The following EML1 variants were observed in gnomAD, a reference collection of about 807,000 sequenced individuals.
EML1 encodes the protein echinoderm microtubule-associated protein-like 1.
Under a neutral mutation model 110.4 loss-of-function variants are expected in EML1, and 27 were observed. The observed-to-expected ratio is 0.24, with a 90% CI of 0.18 to 0.34. The LOEUF (loss-of-function observed/expected upper bound fraction) is 0.34, where lower values mean the gene tolerates loss of function less well. EML1 is among the 10% of genes least tolerant of loss of function. The pLI, the probability that EML1 is intolerant of heterozygous loss-of-function variation, is 1.00. For synonymous variants in EML1, 344 were observed against 385.8 expected, an observed-to-expected ratio of 0.89 and a Z score of 1.27; for missense variants, 741 against 1,030.9, an observed-to-expected ratio of 0.72 and a Z score of 3.85.
At chr14:99,914,333 A>G in intron 14 of EML1, 29 bp downstream of exon 14, 1 of 1,596,656 alleles carries the variant, frequency 6.3e-7, no homozygotes, top group Non-Finnish European at 8.6e-7. Flanking sequence ...GGCCCGGCAA[A>G]CACTCTCATT....
intron 17 of EML1, among the ~76,000 whole-genome samples, chr14:99,922,164 AT>A (rs879605225): frequency 7.2e-4 from 106 of 147,040 alleles, no homozygotes; most frequent in Middle Eastern, 3.5e-3. Flanking sequence ...TTAATGATGG[AT>A]TTTTTTTTTT....
At chr14:99,753,282 G>A (rs543257634) in intron 1 of EML1, among the ~76,000 whole-genome samples, 9 of 149,642 alleles carry the variant, frequency 6.0e-5, no homozygotes, top group Non-Finnish European at 1.0e-4. Flanking sequence ...CATGGTTGGC[G>A]CTTCAGCTAA....
At chr14:99,908,378 G>A (rs1311557992) in intron 10 of EML1, among the ~76,000 whole-genome samples, 2 of 152,124 alleles carry the variant, frequency 1.3e-5, no homozygotes, top group African/African-American at 4.8e-5. Context: ...TTATAGACTC[G>A]AATTCAGATT....
chr14:99,795,479 T>C (rs1273428169), intron 1 of EML1, among the ~76,000 whole-genome samples: 1 of 152,226 alleles, frequency 6.6e-6, no homozygotes, highest in Admixed American at 6.5e-5. Context: ...TTAGGTTGTC[T>C]AATGAATAAA....
chr14:99,937,034 A>G (rs771662672), intron 19 of EML1, among the ~76,000 whole-genome samples: 4 of 152,198 alleles, frequency 2.6e-5, no homozygotes, highest in Admixed American at 6.5e-5. Flanking sequence ...GACCTACAGC[A>G]CTTTCTGGCT....
rs1305340588 is a variant in EML1, at chr14:99,759,612, C to T, written c.28+21752C>T. Reference sequence around the variant, plus strand: ...CAGCCTGGGAAGGAATCGGGTGCACCGTCCTACAGTCCAGGCCTTGGCCAG... The same window carrying T: ...CAGCCTGGGAAGGAATCGGGTGCACTGTCCTACAGTCCAGGCCTTGGCCAG... On this transcript the variant is annotated intron_variant, in intron 1 of 10. Coordinates refer to the EML1 transcript ENST00000554479. Among the ~76,000 whole-genome samples the T allele has an allele frequency of 2.6e-5, 4 of 152,326 alleles. No individual in the cohort carries two copies. In the South Asian group the frequency reaches 6.2e-4, roughly 24 times the overall value.
intron 1 of EML1, among the ~76,000 whole-genome samples, chr14:99,814,067 G>A (rs955838348): frequency 2.0e-5 from 3 of 152,048 alleles, no homozygotes; most frequent in African/African-American, 7.2e-5. Flanking sequence ...ATCCTTCCAC[G>A]GTGTTTTATG....
At chr14:99,777,664 C>T (rs1341586534) in intron 1 of EML1, among the ~76,000 whole-genome samples, 1 of 152,204 alleles carries the variant, frequency 6.6e-6, no homozygotes, top group Non-Finnish European at 1.5e-5. Flanking sequence ...AAGCAATCCG[C>T]CCGCCTCAGC....
At chr14:99,937,994 T>C (rs2060505952) in intron 20 of EML1, 82 bp downstream of exon 20, 2 of 1,402,552 alleles carry the variant, frequency 1.4e-6, no homozygotes, top group South Asian at 2.4e-5. Flanking sequence ...CGGAGTCTCA[T>C]GGTCACCAGT....
chr14:99,891,167 C>CT, intron 4 of EML1, 32 bp from the exon 5 acceptor site: 1 of 1,614,114 alleles, frequency 6.2e-7, no homozygotes, highest in South Asian at 1.1e-5. Context: ...CCACAGCACC[C>CT]TTTAAAAACT....
At chr14:99,884,145 C>T (rs989742531) in intron 4 of EML1, among the ~76,000 whole-genome samples, 10 of 152,280 alleles carry the variant, frequency 6.6e-5, no homozygotes, top group African/African-American at 1.9e-4. Context: ...AGCTGGTCTG[C>T]GGTCGGCTCG....
chr14:99,782,821 G>A (rs1294296650), intron 1 of EML1, among the ~76,000 whole-genome samples: 2 of 152,144 alleles, frequency 1.3e-5, no homozygotes, highest in Non-Finnish European at 2.9e-5. Flanking sequence ...TCAGTAGTGA[G>A]ACTTTTCCTG....
At position 99,909,477 on chromosome 14, in the gene EML1, G is replaced by C. The variant is rs758842019; in HGVS notation, c.1237G>C (p.Glu413Gln). ...SSLNKKQGLF[E>Q]KQEKPKFVLC... ...CCTTAATAAGAAGCAAGGATTATTC[G>C]AGGTAAAGTTAAATTATGATTTTTG... is the stretch of plus-strand genomic sequence containing the variant. Residue 413 changes from glutamate (E) to glutamine (Q), a missense_variant and splice_region_variant, in exon 11 of 22, where the codon GAG becomes CAG. Glu to Gln is a conservative substitution (Grantham distance 29). Transcript: ENST00000262233. 3 of 1,613,946 alleles carry C rather than the reference G, an allele frequency of 1.9e-6. No individual in the cohort carries two copies. In the African/African-American group the frequency reaches 4.0e-5, roughly 22 times the overall value.
chr14:99,789,632 G>GT (rs2057639901), upstream of EML1, among the ~76,000 whole-genome samples: 1 of 152,222 alleles, frequency 6.6e-6, no homozygotes, highest in South Asian at 2.1e-4. Context: ...CTGGCACTGT[G>GT]TAACTATTTT....
At chr14:99,844,370 T>G (rs2058676048) in intron 1 of EML1, among the ~76,000 whole-genome samples, 1 of 151,384 alleles carries the variant, frequency 6.6e-6, no homozygotes, top group Admixed American at 6.6e-5. Flanking sequence ...TCCCAGCTAC[T>G]GGGGAGGCTG....
intron 13 of EML1, among the ~76,000 whole-genome samples, chr14:99,913,749 G>A (rs1376466430): frequency 1.3e-5 from 2 of 152,116 alleles, no homozygotes; most frequent in African/African-American, 2.4e-5. Flanking sequence ...GAGTGTAGTG[G>A]CGTGATCTCG....
chr14:99,753,523 C>T (rs1220662376), intron 1 of EML1, among the ~76,000 whole-genome samples: 1 of 151,898 alleles, frequency 6.6e-6, no homozygotes, highest in African/African-American at 2.4e-5. Context: ...ACCTTGTGGT[C>T]CCCAGCAAAG....
At chr14:99,847,324 G>A (rs978594970) in intron 1 of EML1, among the ~76,000 whole-genome samples, 2 of 152,122 alleles carry the variant, frequency 1.3e-5, no homozygotes, top group Non-Finnish European at 2.9e-5. Flanking sequence ...TTATAGTGTT[G>A]TTCAAATATT....
intron 3 of EML1, among the ~76,000 whole-genome samples, chr14:99,875,460 T>C (rs558203911): frequency 1.7e-4 from 26 of 152,236 alleles, no homozygotes; most frequent in Non-Finnish European, 2.8e-4. Flanking sequence ...CGTGAACTCT[T>C]CCAGCCACCA....
Sources: gnomAD v4.1 joint callset for allele counts (sites outside exome capture counted in the v4.1 genomes callset) on GRCh38, gnomAD v4.1.1 for gene constraint, MANE v1.5 for transcripts, NCBI Gene and HGNC (gene_info 2026-07-23, HGNC 2026-07-21) for gene names.